The following FRMD5 variants were observed in gnomAD, a reference collection of about 807,000 sequenced individuals.
The protein encoded by FRMD5 is FERM domain-containing protein 5.
FRMD5 carries 20 observed loss-of-function variants against 69.0 expected under a neutral mutation model. The observed-to-expected ratio is 0.29, with a 90% CI of 0.20 to 0.42. FRMD5 has a LOEUF of 0.42. Among genes scored for constraint, FRMD5 ranks in the 10% least tolerant of loss-of-function variants. The probability of loss-of-function intolerance (pLI) is 1.00; values close to 1 mark genes in which losing one functional copy is unlikely to be tolerated. For missense variants in FRMD5, 595 were observed against 708.6 expected, an observed-to-expected ratio of 0.84 and a Z score of 1.82; for synonymous variants, 271 against 260.1, an observed-to-expected ratio of 1.04 and a Z score of -0.40.
intron 1 of FRMD5, among the ~76,000 whole-genome samples, chr15:43,995,574 A>C (rs1414468178): frequency 1.3e-5 from 2 of 151,834 alleles, no homozygotes; most frequent in Non-Finnish European, 2.9e-5. Context: ...GGGTCTGCTG[A>C]AGCAGGTTTG....
intron 1 of FRMD5, among the ~76,000 whole-genome samples, chr15:44,005,471 CAAAAAAAAAAAAA>C (rs55839205): frequency 1.3e-4 from 9 of 69,442 alleles, no homozygotes; most frequent in African/African-American, 4.5e-4. Context: ...AACTCCATCT[CAAAAAAAAAAAAA>C]AAAAAAAAAG....
chr15:44,009,321 A>T (rs2140204751), intron 1 of FRMD5, among the ~76,000 whole-genome samples: 1 of 152,284 alleles, frequency 6.6e-6, no homozygotes, highest in African/African-American at 2.4e-5. Context: ...GCTGGGGGGA[A>T]CCTTTGTAGG....
At chr15:44,186,802 T>C (rs1285356558) in intron 1 of FRMD5, among the ~76,000 whole-genome samples, 6 of 152,244 alleles carry the variant, frequency 3.9e-5, no homozygotes. Context: ...CGAACACTGA[T>C]TGCCCAAATG....
intron 1 of FRMD5, among the ~76,000 whole-genome samples, chr15:43,938,420 C>T (rs190431372): frequency 7.9e-5 from 12 of 152,272 alleles, no homozygotes; most frequent in Admixed American, 3.3e-4. Context: ...TCCACGCTGC[C>T]TTGCTCCAAA....
At chr15:43,963,437 G>C (rs1204917256) in intron 1 of FRMD5, among the ~76,000 whole-genome samples, 1 of 152,132 alleles carries the variant, frequency 6.6e-6, no homozygotes, top group African/African-American at 2.4e-5. Flanking sequence ...GGAGAAATAG[G>C]AACACTTTTA....
chr15:43,967,076 T>C (rs987279833), intron 1 of FRMD5, among the ~76,000 whole-genome samples: 1 of 152,100 alleles, frequency 6.6e-6, no homozygotes, highest in Non-Finnish European at 1.5e-5. Context: ...TAAATGTAAA[T>C]TTGGAAAATA....
intron 13 of FRMD5, among the ~76,000 whole-genome samples, chr15:43,877,291 A>T (rs541667809): frequency 0.017 from 2,623 of 152,320 alleles, 69 homozygotes; most frequent in African/African-American, 0.06. Flanking sequence ...CAGGTTGATT[A>T]GGGAGTTTTT....
chr15:44,150,589 G>A (rs1239622522), intron 1 of FRMD5, among the ~76,000 whole-genome samples: 3 of 151,096 alleles, frequency 2.0e-5, no homozygotes, highest in Non-Finnish European at 4.4e-5. Flanking sequence ...AGACCACACT[G>A]GGCAACACAG....
chr15:43,873,451 T>C lies in FRMD5; in HGVS notation c.*434A>G. On this transcript the variant is annotated 3_prime_UTR_variant, in exon 14 of 14. Coordinates refer to ENST00000417257, the MANE Select transcript of FRMD5 (RefSeq NM_032892.5). Reference sequence around the variant, plus strand: ...ACCCAGTGGCACCAGCAGGAAAAGCTCCTGCAGAATACAGAGGACAGCAGC... The same window carrying C: ...ACCCAGTGGCACCAGCAGGAAAAGCCCCTGCAGAATACAGAGGACAGCAGC... The C allele has an allele frequency of 1.4e-6, 2 of 1,429,942 alleles. No homozygotes were observed. The highest frequency in any genetic ancestry group is 1.8e-6 in the Non-Finnish European group (2 of 1,102,250). The allele number at this position is 1,429,942 out of a possible 1,614,324, so 88.6% of individuals were successfully genotyped here.
At position 44,047,459 on chromosome 15, in the gene FRMD5, G is replaced by C. The variant is rs146462950; in HGVS notation, c.103-123150C>G. Among the ~76,000 whole-genome samples, 482 of 152,102 alleles carry C rather than the reference G, an allele frequency of 3.2e-3. 5 individuals carry two copies. Among genetic ancestry groups the C allele is most frequent in the Admixed American group, 6.7e-3 (102 of 15,286 alleles). ...TTAGCTTAATGTTCCTAGGCCTGTG[G>C]AAAGTTTTAAATGTTATGTGTTGGT... On this transcript the variant is annotated intron_variant, in intron 1 of 13. Transcript: ENST00000417257.
At chr15:43,946,233 C>A (rs1342188147) in intron 1 of FRMD5, among the ~76,000 whole-genome samples, 3 of 152,172 alleles carry the variant, frequency 2.0e-5, no homozygotes, top group Non-Finnish European at 2.9e-5. Flanking sequence ...CTCTGCTTAT[C>A]ACAGCAAAGG....
chr15:44,158,585 T>C (rs1045119384), intron 1 of FRMD5, among the ~76,000 whole-genome samples: 1 of 152,174 alleles, frequency 6.6e-6, no homozygotes, highest in African/African-American at 2.4e-5. Context: ...ACCCAACCCA[T>C]TACTAAAATT....
intron 1 of FRMD5, among the ~76,000 whole-genome samples, chr15:44,159,821 T>G (rs957234661): frequency 1.3e-5 from 2 of 152,126 alleles, no homozygotes; most frequent in African/African-American, 4.8e-5. Flanking sequence ...GCAGCTGAGA[T>G]TTAAGGAGGA....
intron 1 of FRMD5, among the ~76,000 whole-genome samples, chr15:44,163,336 T>C (rs1013623782): frequency 6.6e-6 from 1 of 152,212 alleles, no homozygotes; most frequent in Non-Finnish European, 1.5e-5. Flanking sequence ...TGTGAACTCT[T>C]CAAGGGCAGA....
At chr15:43,980,164 A>G (rs892927954) in intron 1 of FRMD5, among the ~76,000 whole-genome samples, 9 of 152,210 alleles carry the variant, frequency 5.9e-5, no homozygotes, top group African/African-American at 2.4e-5. Flanking sequence ...TAAGGTATTC[A>G]GGCCCTATAA....
At chr15:44,154,407 C>G (rs923369714) in intron 1 of FRMD5, among the ~76,000 whole-genome samples, 6 of 151,872 alleles carry the variant, frequency 4.0e-5, no homozygotes, top group African/African-American at 1.5e-4. Flanking sequence ...TTAGTTTTTC[C>G]GAATCACCAT....
At chr15:43,965,179 G>A (rs2090272850) in intron 1 of FRMD5, among the ~76,000 whole-genome samples, 1 of 152,162 alleles carries the variant, frequency 6.6e-6, no homozygotes. Context: ...TACAGAGGCA[G>A]GGCTTGAAGG....
Position 44,002,138 on chromosome 15 carries a change from G to A in FRMD5, c.103-77829C>T, listed in dbSNP as rs191970017. 3.9e-5 allele frequency among the ~76,000 whole-genome samples: 6 copies of A among 152,160 alleles called. No homozygotes were observed. In the East Asian group the frequency reaches 1.2e-3, roughly 29 times the overall value. ...TTTCTAGCACAATAAGATGTCCCAG[G>A]CCCATCTTACCCTTTCTCTGCCCTG... On this transcript the variant is annotated intron_variant, in intron 1 of 13. Transcript: ENST00000417257.
intron 13 of FRMD5, among the ~76,000 whole-genome samples, chr15:43,877,494 G>A (rs75505882): frequency 0.011 from 1,639 of 152,322 alleles, 23 homozygotes; most frequent in African/African-American, 0.037. Flanking sequence ...TGTGGAGCCT[G>A]TCTTGGCACA....
Sources: allele counts gnomAD v4.1 joint callset (sites outside exome capture counted in the v4.1 genomes callset), GRCh38; gene constraint gnomAD v4.1.1; transcripts MANE v1.5; gene names NCBI Gene and HGNC (gene_info 2026-07-23, HGNC 2026-07-21).